The following MRPL21 variants were observed in gnomAD, a reference collection of about 807,000 sequenced individuals.
MRPL21 encodes mitochondrial ribosomal protein L21.
Under a neutral mutation model 27.3 loss-of-function variants are expected in MRPL21, and 20 were observed. The ratio of observed to expected loss-of-function variants is 0.73; its 90% CI spans 0.52 to 1.06. MRPL21 has a LOEUF of 1.06. Ranked by LOEUF, MRPL21 falls within the 50% of genes least tolerant of loss-of-function variation. MRPL21 has a pLI of 0.00. For missense variants in MRPL21, 249 were observed against 251.4 expected (o/e 0.99, Z 0.06); for synonymous variants, 98 against 101.5 (o/e 0.97, Z 0.21).
chr11:68,895,741 C>T (rs1295177991), intron 4 of MRPL21, among the ~76,000 whole-genome samples: 1 of 152,168 alleles, frequency 6.6e-6, no homozygotes, highest in Admixed American at 6.5e-5. Context: ...CCAATCACGG[C>T]TCACTGCAGC....
rs747191783 is a variant in MRPL21, at chr11:68,896,504, G to A, written c.396+11C>T. The A allele has an allele frequency of 9.9e-6, 16 of 1,613,410 alleles. No homozygotes were observed. The highest frequency in any genetic ancestry group is 5.3e-5 in the African/African-American group (4 of 75,038). On this transcript the variant is annotated intron_variant, in intron 4 of 6. Coordinates refer to ENST00000362034, the MANE Select transcript of MRPL21 (RefSeq NM_181514.2). The stretch of plus-strand genomic sequence containing the variant: ...AGTCCCTGAATATCCAGAGAAGCTC[G>A]GTGGTCTCACCTTCTCCAGTCGAAT...
chr11:68,895,680 G>GT (rs1266955922), intron 4 of MRPL21, among the ~76,000 whole-genome samples: 187 of 152,068 alleles, frequency 1.2e-3, no homozygotes, highest in African/African-American at 4.3e-3. Flanking sequence ...AAACCATGCA[G>GT]TTTTTTTTGA....
intron 3 of MRPL21, chr11:68,896,901 C>T: frequency 1.7e-6 from 1 of 585,812 alleles, no homozygotes; most frequent in South Asian, 2.2e-5. Flanking sequence ...CACTGTGGCA[C>T]ATGGGGCTTT....
At chr11:68,894,987 G>A (rs752358805) in intron 4 of MRPL21, among the ~76,000 whole-genome samples, 63 of 152,238 alleles carry the variant, frequency 4.1e-4, no homozygotes, top group Admixed American at 7.2e-4. Context: ...TGGGCAGGCC[G>A]GGCGTGGTGG....
At chr11:68,900,104 T>C (rs1246972553) in intron 2 of MRPL21, among the ~76,000 whole-genome samples, 1 of 152,212 alleles carries the variant, frequency 6.6e-6, no homozygotes, top group Non-Finnish European at 1.5e-5. Context: ...TTTTCTCAAG[T>C]ATAAAATTTT....
intron 5 of MRPL21, 31 bp from the exon 6 acceptor site, chr11:68,893,024 C>T (rs1177563326): frequency 1.3e-6 from 2 of 1,515,240 alleles, no homozygotes; most frequent in South Asian, 2.7e-5. Flanking sequence ...CAATAATGTA[C>T]CTTTTGGATT....
chr11:68,893,623 G>C (rs923761843), intron 4 of MRPL21, among the ~76,000 whole-genome samples, 168 bp from the exon 5 acceptor site: 12 of 152,224 alleles, frequency 7.9e-5, no homozygotes, highest in Non-Finnish European at 1.8e-4. Flanking sequence ...TACAACCGGG[G>C]CTGTGAGCTG....
chr11:68,902,843 T>C (rs1227294448), intron 1 of MRPL21, among the ~76,000 whole-genome samples: 5 of 152,070 alleles, frequency 3.3e-5, no homozygotes, highest in Admixed American at 2.0e-4. Flanking sequence ...ATGTAACTTT[T>C]TACTGTCTCC....
intron 2 of MRPL21, among the ~76,000 whole-genome samples, chr11:68,899,170 G>C (rs1010757002): frequency 6.6e-6 from 1 of 152,170 alleles, no homozygotes; most frequent in Non-Finnish European, 1.5e-5. Flanking sequence ...GAAAGAAAGA[G>C]GGGGGCCTAG....
chr11:68,893,020 T>C, intron 5 of MRPL21, 27 bp from the exon 6 acceptor site: 2 of 1,525,436 alleles, frequency 1.3e-6, no homozygotes, highest in Middle Eastern at 2.0e-4. Flanking sequence ...TCAACAATAA[T>C]GTACCTTTTG....
Position 68,898,715 on chromosome 11 carries a change from G to A in MRPL21, c.147-703C>T, listed in dbSNP as rs544111166. Among the ~76,000 whole-genome samples the A allele has an allele frequency of 2.4e-3, 363 of 152,342 alleles. 2 individuals carry two copies. The highest frequency in any genetic ancestry group is 8.4e-3 in the African/African-American group (349 of 41,588). On this transcript the variant is annotated intron_variant, in intron 2 of 6. Transcript: ENST00000362034. ...GAGGGTCGGGTGTTAGGAGTGCTCA[G>A]TCTCAGCAGCTATAGCACTGCGGTC...
intron 1 of MRPL21, among the ~76,000 whole-genome samples, chr11:68,903,385 A>G (rs1858020345): frequency 6.6e-6 from 1 of 152,214 alleles, no homozygotes; most frequent in Admixed American, 6.5e-5. Flanking sequence ...GTTCAAGCAC[A>G]GGCTTTGGAG....
At chr11:68,896,981 C>T (rs1857807993) in intron 3 of MRPL21, 1 of 447,504 alleles carries the variant, frequency 2.2e-6, no homozygotes, top group South Asian at 3.5e-5. Context: ...CGCCTAAGCA[C>T]TCGGCACGCC....
chr11:68,892,078 G>GCTGGACCCTCTGGGTGCTCCCTCTAGGA, intron 6 of MRPL21: 1 of 1,297,820 alleles, frequency 7.7e-7, no homozygotes. Context: ...GGGGAGCGAG[G>GCTGGACCCTCTGGGTGCTCCCTCTAGGA]TGGGGTCACG....
Position 68,897,336 on chromosome 11 carries a change from A to G in MRPL21, c.232+591T>C, listed in dbSNP as rs564741100. 3.9e-5 allele frequency among the ~76,000 whole-genome samples: 6 copies of G among 152,332 alleles called. No individual in the cohort carries two copies. In the South Asian group the frequency reaches 1.2e-3, roughly 32 times the overall value. On this transcript the variant is annotated intron_variant, in intron 3 of 6. Coordinates refer to ENST00000362034, the MANE Select transcript of MRPL21 (RefSeq NM_181514.2). ...GCGAGACACACAGAAGGGACGACAG[A>G]GTGCCTGCCCTGGAAACACTGTCAA...
At chr11:68,891,624 CCCTGCGCTGGCACCTCA>C in intron 6 of MRPL21, 1 of 589,394 alleles carries the variant, frequency 1.7e-6, no homozygotes, top group Non-Finnish European at 3.0e-6. Context: ...GCCAGGAGTG[CCCTGCGCTGGCACCTCA>C]CCTCTCCTCC....
At chr11:68,894,042 C>A (rs1857719911) in intron 4 of MRPL21, among the ~76,000 whole-genome samples, 1 of 151,262 alleles carries the variant, frequency 6.6e-6, no homozygotes, top group Non-Finnish European at 1.5e-5. Flanking sequence ...AACAAATAAA[C>A]AAAAAAAAAC....
At chr11:68,897,297 C>T (rs565231033) in intron 3 of MRPL21, among the ~76,000 whole-genome samples, 1 of 152,140 alleles carries the variant, frequency 6.6e-6, no homozygotes, top group Non-Finnish European at 1.5e-5. Context: ...ACCGACCCCC[C>T]GGCCTGACCG....
chr11:68,897,054 T>C (rs1450786562), intron 3 of MRPL21, among the ~76,000 whole-genome samples: 1 of 152,154 alleles, frequency 6.6e-6, no homozygotes, highest in African/African-American at 2.4e-5. Context: ...CTCATGAGAA[T>C]GAGGAGCCAG....
Sources: allele counts gnomAD v4.1 joint callset (sites outside exome capture counted in the v4.1 genomes callset), GRCh38; gene constraint gnomAD v4.1.1; transcripts MANE v1.5; gene names NCBI Gene and HGNC (gene_info 2026-07-23, HGNC 2026-07-21).